TOX2: variants seen among roughly 807,000 people sequenced by gnomAD.
TOX2 encodes granulosa cell HMG box 1.
Under a neutral mutation model 47.4 loss-of-function variants are expected in TOX2, and 15 were observed. The observed-to-expected ratio is 0.32, with a 90% confidence interval of 0.21 to 0.49. TOX2 has a LOEUF of 0.49. TOX2 is among the 20% of genes least tolerant of loss of function. The probability of loss-of-function intolerance (pLI) is 0.99; values close to 1 mark genes in which losing one functional copy is unlikely to be tolerated. For missense variants in TOX2, 622 were observed against 673.1 expected (o/e 0.92, Z 0.84); for synonymous variants, 290 against 296.6 (o/e 0.98, Z 0.23).
intron 3 of TOX2, among the ~76,000 whole-genome samples, chr20:44,012,287 A>G (rs1261280730): frequency 6.6e-6 from 1 of 152,222 alleles, no homozygotes; most frequent in African/African-American, 2.4e-5. Flanking sequence ...TGGCTTACCC[A>G]GGAGAGGAAT....
At chr20:44,035,733 G>A (rs1569119625) in intron 3 of TOX2, among the ~76,000 whole-genome samples, 1 of 152,232 alleles carries the variant, frequency 6.6e-6, no homozygotes, top group Non-Finnish European at 1.5e-5. Context: ...GCTTGAATGT[G>A]CTGGGTAATG....
chr20:43,935,487 C>G (rs1027783764), intron 1 of TOX2, among the ~76,000 whole-genome samples: 1 of 152,218 alleles, frequency 6.6e-6, no homozygotes, highest in Non-Finnish European at 1.5e-5. Context: ...TACTATGTGC[C>G]AAGCACTGTG....
chr20:44,051,720 C>T (rs181034644), intron 4 of TOX2, among the ~76,000 whole-genome samples, 175 bp downstream of exon 4: 24 of 152,318 alleles, frequency 1.6e-4, no homozygotes, highest in African/African-American at 4.1e-4. Flanking sequence ...TTGGGATGTC[C>T]GCCACAGAGC....
intron 1 of TOX2, among the ~76,000 whole-genome samples, chr20:43,930,272 TG>T (rs1299635736): frequency 2.6e-5 from 4 of 152,190 alleles, no homozygotes; most frequent in African/African-American, 9.7e-5. Flanking sequence ...TCACCCTCTC[TG>T]GGCCTCACTT....
chr20:44,044,592 A>G (rs1412569171), intron 3 of TOX2, among the ~76,000 whole-genome samples: 3 of 152,150 alleles, frequency 2.0e-5, no homozygotes, highest in East Asian at 1.9e-4. Flanking sequence ...ACCTATTAGG[A>G]TGGCTTCTAT....
chr20:44,054,165 C>A, intron 4 of TOX2, 134 bp from the exon 5 acceptor site: 1 of 854,260 alleles, frequency 1.2e-6, no homozygotes, highest in East Asian at 2.7e-5. Context: ...GTCCATTGCC[C>A]CCTCCATCGC....
intron 2 of TOX2, among the ~76,000 whole-genome samples, chr20:43,977,415 A>T (rs922798179): frequency 6.6e-6 from 1 of 152,128 alleles, no homozygotes; most frequent in African/African-American, 2.4e-5. Context: ...CTGGCCCAGA[A>T]CATTCAAATC....
chr20:43,926,734 T>C (rs528270810), intron 1 of TOX2, among the ~76,000 whole-genome samples: 2 of 152,284 alleles, frequency 1.3e-5, no homozygotes, highest in South Asian at 4.1e-4. Context: ...CACAGGGAGT[T>C]TTTAAGGACC....
Position 44,065,918 on chromosome 20 carries a change from C to CCG in TOX2, c.1168_1169insGC (p.Pro390ArgfsTer56). The CCG allele has an allele frequency of 1.9e-6, 3 of 1,610,944 alleles. No individual in the cohort carries two copies. Among genetic ancestry groups the CCG allele is most frequent in the South Asian group, 2.2e-5 (2 of 90,824 alleles). ...CTCTGCTGCCAGGCCTCAGTGCGTCCCCGCCGCCGCCACCCTCCTTCCCGC... is the reference window on the plus strand; with the variant it reads ...CTCTGCTGCCAGGCCTCAGTGCGTCCCGCCGCCGCCGCCACCCTCCTTCCCGC... On this transcript the variant is annotated frameshift_variant, in exon 7 of 9. Coordinates refer to ENST00000341197, the MANE Select transcript of TOX2 (RefSeq NM_001098797.2). LOFTEE classifies it high-confidence loss of function.
At chr20:44,007,039 G>A (rs756833839) in intron 3 of TOX2, among the ~76,000 whole-genome samples, 48 of 152,250 alleles carry the variant, frequency 3.2e-4, no homozygotes, top group African/African-American at 1.1e-3. Flanking sequence ...GGAGCTCTGC[G>A]TACAGTATCT....
In TOX2 at chr20:43,914,930, C is replaced by A; in HGVS notation, c.39C>A (p.Gly13=). The A allele has an allele frequency of 8.4e-7, 1 of 1,188,456 alleles. No homozygotes were observed. Among genetic ancestry groups the A allele is most frequent in the Non-Finnish European group, 1.0e-6 (1 of 961,678 alleles). The allele number at this position is 1,188,456 out of a possible 1,614,324, so 73.6% of individuals were successfully genotyped here. A position where few individuals can be genotyped will look rare whatever the true frequency, so the allele number is the denominator to read the frequency against. The change falls in exon 1 of 9, where the codon GGC becomes GGA. Residue 13 remains glycine (G), a synonymous_variant. Coordinates refer to ENST00000341197, the MANE Select transcript of TOX2 (RefSeq NM_001098797.2). The surrounding 1 kb of genome is among the most constrained non-coding windows in gnomAD (Gnocchi z 4.5). ...TGTACCCCTCGGCGCCCGCGGTGGG[C>A]GCGCGGCCCGGGGCCGAGCCGGCCG... is the stretch of plus-strand genomic sequence containing the variant. The part of the protein sequence containing the change: ...VRLYPSAPAV[G]ARPGAEPAGL...
At chr20:44,053,371 G>A (rs2071549972) in intron 4 of TOX2, among the ~76,000 whole-genome samples, 1 of 151,830 alleles carries the variant, frequency 6.6e-6, no homozygotes, top group African/African-American at 2.4e-5. Context: ...ACATGGCGGT[G>A]GAGACCAGCC....
At chr20:43,944,847 CTG>C (rs1283040297) in intron 1 of TOX2, among the ~76,000 whole-genome samples, 1 of 152,232 alleles carries the variant, frequency 6.6e-6, no homozygotes, top group Non-Finnish European at 1.5e-5. Flanking sequence ...GGTGAAGAAA[CTG>C]AGGCTCAGGG....
chr20:43,988,013 C>T (rs929699746), intron 2 of TOX2, among the ~76,000 whole-genome samples: 16 of 151,276 alleles, frequency 1.1e-4, no homozygotes, highest in Admixed American at 3.9e-4. Flanking sequence ...TCCACCTCCC[C>T]GGTTCAAGTG....
At chr20:44,057,546 G>GATTT (rs2071642704) in intron 5 of TOX2, among the ~76,000 whole-genome samples, 1 of 151,400 alleles carries the variant, frequency 6.6e-6, no homozygotes, top group South Asian at 2.1e-4. Flanking sequence ...GTGATGGATA[G>GATTT]GAAAGTTCTT....
chr20:43,956,285 A>G (rs756629975), intron 1 of TOX2, among the ~76,000 whole-genome samples: 16 of 152,198 alleles, frequency 1.1e-4, no homozygotes, highest in Admixed American at 2.0e-4. Flanking sequence ...CACCAGGTGC[A>G]GTGGCTCAGG....
intron 1 of TOX2, among the ~76,000 whole-genome samples, chr20:43,958,409 A>G (rs2069702023): frequency 6.6e-6 from 1 of 152,074 alleles, no homozygotes; most frequent in Non-Finnish European, 1.5e-5. Flanking sequence ...CCCCTTCCCC[A>G]GCACACATAC....
chr20:43,992,806 T>C (rs2070391592), intron 2 of TOX2, among the ~76,000 whole-genome samples: 1 of 139,476 alleles, frequency 7.2e-6, no homozygotes, highest in Non-Finnish European at 1.5e-5. Flanking sequence ...ATGGCAGAGG[T>C]AATGCTGGTT....
At chr20:43,945,147 GAAAA>G (rs1001593147) in intron 1 of TOX2, among the ~76,000 whole-genome samples, 1 of 145,542 alleles carries the variant, frequency 6.9e-6, no homozygotes, top group South Asian at 2.2e-4. Flanking sequence ...TTGTGGTAAA[GAAAA>G]AAAAAATGAA....
Sources: allele counts gnomAD v4.1 joint callset (sites outside exome capture counted in the v4.1 genomes callset), GRCh38; gene constraint gnomAD v4.1.1; non-coding constraint Gnocchi (gnomAD v3.1); transcripts MANE v1.5; gene names NCBI Gene and HGNC (gene_info 2026-07-23, HGNC 2026-07-21).